CEP85L: variants seen among roughly 807,000 people sequenced by gnomAD.
CEP85L encodes centrosomal protein of 85 kDa-like.
In CEP85L, 60 loss-of-function variants were observed where a neutral mutation model predicts 100.3. The observed-to-expected ratio is 0.60, with a 90% CI of 0.49 to 0.74. CEP85L has a LOEUF of 0.74. Among genes scored for constraint, CEP85L ranks in the 30% least tolerant of loss-of-function variants. The pLI is 0.00. For synonymous variants in CEP85L, 319 were observed against 322.7 expected, an observed-to-expected ratio of 0.99 and a Z score of 0.12; for missense variants, 973 against 936.2, an observed-to-expected ratio of 1.04 and a Z score of -0.51.
intron 3 of CEP85L, among the ~76,000 whole-genome samples, chr6:118,526,529 CA>C (rs1562230333): frequency 4.6e-5 from 7 of 152,178 alleles, no homozygotes; most frequent in African/African-American, 1.7e-4. Context: ...GGCAGCCCAA[CA>C]AAGGAGCACC....
Position 118,639,542 on chromosome 6 carries a change from G to A in CEP85L, c.74-6931C>T, listed in dbSNP as rs143965012. Among the ~76,000 whole-genome samples, 36 of 152,226 alleles carry A rather than the reference G, an allele frequency of 2.4e-4. No homozygotes were observed. In the East Asian group the frequency reaches 4.2e-3, roughly 18 times the overall value. ...TCTGCACCTTAAGAGTCCTAGTTCA[G>A]AATTAACTTGTTCTGTCTTCCCTGA... On this transcript the variant is annotated intron_variant, in intron 1 of 12. Coordinates refer to ENST00000368491, the MANE Select transcript of CEP85L (RefSeq NM_001042475.3).
Position 118,662,710 on chromosome 6 carries a change from A to G in CEP85L, c.-27-9902T>C, listed in dbSNP as rs752537713. ...TTTAATATTAGCTATAGTATATTAA[A>G]AAGTTCAACTTCATTAGTAAGTAAA... is the stretch of plus-strand genomic sequence containing the variant. On this transcript the variant is annotated intron_variant, in intron 1 of 13. Transcript: ENST00000368488. 1.1e-3 allele frequency among the ~76,000 whole-genome samples: 171 copies of G among 152,326 alleles called. 2 individuals are homozygous for G. The highest frequency in any genetic ancestry group is 6.1e-3 in the Admixed American group (94 of 15,292).
intron 6 of CEP85L, among the ~76,000 whole-genome samples, chr6:118,488,643 C>T (rs1260413581): frequency 2.0e-5 from 3 of 152,018 alleles, no homozygotes; most frequent in Non-Finnish European, 4.4e-5. Context: ...CTAAAAACTT[C>T]CCAAATATGT....
chr6:118,619,005 C>T (rs1197815459), intron 2 of CEP85L, among the ~76,000 whole-genome samples: 1 of 151,822 alleles, frequency 6.6e-6, no homozygotes, highest in Non-Finnish European at 1.5e-5. Context: ...GATTTCCATT[C>T]TGCCGGTAAG....
intron 1 of CEP85L, among the ~76,000 whole-genome samples, chr6:118,646,506 A>G (rs1189511088): frequency 6.6e-6 from 1 of 151,724 alleles, no homozygotes; most frequent in Non-Finnish European, 1.5e-5. Flanking sequence ...CCGACTCTAC[A>G]AAAATACAAA....
intron 4 of CEP85L, among the ~76,000 whole-genome samples, chr6:118,519,473 TGGCGGGGGG>T (rs1776501151): frequency 1.1e-4 from 2 of 18,212 alleles, no homozygotes; most frequent in Admixed American, 5.5e-4. Context: ...TGTGTGTGTG[TGGCGGGGGG>T]GGGTTGTGAA....
At chr6:118,487,804 C>CA (rs1489425686) in intron 6 of CEP85L, among the ~76,000 whole-genome samples, 1 of 152,184 alleles carries the variant, frequency 6.6e-6, no homozygotes, top group Admixed American at 6.5e-5. Flanking sequence ...GCAGTTTCCA[C>CA]AGTCCACAGC....
At chr6:118,519,393 C>T (rs113855468) in intron 4 of CEP85L, among the ~76,000 whole-genome samples, 2 of 148,192 alleles carry the variant, frequency 1.3e-5, no homozygotes, top group East Asian at 2.0e-4. Context: ...GAGCCAAGAT[C>T]GCGCCACCGC....
intron 2 of CEP85L, among the ~76,000 whole-genome samples, chr6:118,570,418 G>GT (rs1779818528): frequency 6.6e-6 from 1 of 152,098 alleles, no homozygotes; most frequent in African/African-American, 2.4e-5. Flanking sequence ...ATCCAGTAAT[G>GT]GGCTACTTTC....
chr6:118,672,385 T>C (rs1486004900), intron 1 of CEP85L, among the ~76,000 whole-genome samples: 1 of 152,214 alleles, frequency 6.6e-6, no homozygotes, highest in African/African-American at 2.4e-5. Context: ...TTTTTTTTAA[T>C]ATTTGTTGAA....
intron 1 of CEP85L, among the ~76,000 whole-genome samples, chr6:118,640,589 G>A (rs540663129): frequency 6.6e-6 from 1 of 152,252 alleles, no homozygotes; most frequent in South Asian, 2.1e-4. Context: ...CAGTAGTGCA[G>A]TCTCGGCTCA....
intron 2 of CEP85L, among the ~76,000 whole-genome samples, chr6:118,613,845 T>A (rs1053393885): frequency 9.9e-5 from 15 of 150,790 alleles, no homozygotes; most frequent in Non-Finnish European, 1.9e-4. Flanking sequence ...TTCTATACAA[T>A]CTCTTCCAAA....
chr6:118,664,709 A>G (rs1457155851), intron 1 of CEP85L, among the ~76,000 whole-genome samples: 1 of 152,218 alleles, frequency 6.6e-6, no homozygotes, highest in Non-Finnish European at 1.5e-5. Flanking sequence ...TGGTTGTAGA[A>G]TCATAGCAAC....
At chr6:118,548,470 C>T (rs1778341366) in intron 3 of CEP85L, 1 of 152,116 alleles carries the variant, frequency 6.6e-6, no homozygotes, top group Admixed American at 6.5e-5. Context: ...ATAATCTGAA[C>T]TTTTAAAATG....
At chr6:118,620,711 C>T (rs1332941525) in intron 2 of CEP85L, among the ~76,000 whole-genome samples, 1 of 152,126 alleles carries the variant, frequency 6.6e-6, no homozygotes, top group Non-Finnish European at 1.5e-5. Context: ...TCGATTTCCT[C>T]CTGGACACCA....
chr6:118,472,949 C>T (rs995259018), intron 10 of CEP85L, among the ~76,000 whole-genome samples: 1 of 152,076 alleles, frequency 6.6e-6, no homozygotes. Context: ...CAGAAATGCC[C>T]CATTTACAAA....
At position 118,550,728 on chromosome 6, in the gene CEP85L, A is replaced by G. The variant is rs534772047; in HGVS notation, c.1020+14801T>C. ...GCTTAAAGTAAACCATGACACTGAC[A>G]AACAAAATTTGAAAGCCCCCAAATA... On this transcript the variant is annotated intron_variant, in intron 3 of 12. Transcript: ENST00000368491. Among the ~76,000 whole-genome samples the G allele has an allele frequency of 1.4e-4, 22 of 152,038 alleles. No homozygotes were observed. In the South Asian group the frequency reaches 1.5e-3, roughly 10 times the overall value.
At chr6:118,663,695 C>A (rs1343471371) in intron 1 of CEP85L, among the ~76,000 whole-genome samples, 1 of 151,928 alleles carries the variant, frequency 6.6e-6, no homozygotes, top group African/African-American at 2.4e-5. Context: ...CCATTGGTAC[C>A]CAAGAGGGAT....
chr6:118,513,767 C>G (rs1376040931), intron 4 of CEP85L, among the ~76,000 whole-genome samples: 1 of 151,940 alleles, frequency 6.6e-6, no homozygotes, highest in Non-Finnish European at 1.5e-5. Flanking sequence ...GATAAAGGAA[C>G]ACCTTGAGGT....
Sources: allele counts gnomAD v4.1 joint callset (sites outside exome capture counted in the v4.1 genomes callset), GRCh38; gene constraint gnomAD v4.1.1; transcripts MANE v1.5; gene names NCBI Gene and HGNC (gene_info 2026-07-23, HGNC 2026-07-21).